The following JMY variants were observed in gnomAD, a reference collection of about 807,000 sequenced individuals.
The protein encoded by JMY is junction-mediating and -regulatory protein.
JMY carries 46 observed loss-of-function variants against 103.3 expected under a neutral mutation model. The observed-to-expected ratio is 0.45, with a 90% CI of 0.35 to 0.57. The LOEUF (loss-of-function observed/expected upper bound fraction) is 0.57. Ranked by LOEUF, JMY falls within the 20% of genes least tolerant of loss-of-function variation. The pLI, the probability that JMY is intolerant of heterozygous loss-of-function variation, is 0.00. For missense variants in JMY, 1,238 were observed against 1,255.2 expected, an observed-to-expected ratio of 0.99 and a Z score of 0.21; for synonymous variants, 526 against 489.3, an observed-to-expected ratio of 1.07 and a Z score of -0.99.
At position 79,323,522 on chromosome 5, in the gene JMY, A is replaced by C. The variant is rs2112131368; in HGVS notation, c.*1920A>C. The C allele has an allele frequency of 6.6e-6, 1 of 152,306 alleles. No homozygotes were observed. The highest frequency in any genetic ancestry group is 2.4e-5 in the African/African-American group (1 of 41,566). The allele number at this position is 152,306 out of a possible 1,614,324, so 9.4% of individuals were successfully genotyped here. A position where few individuals can be genotyped will look rare whatever the true frequency, so the allele number is the denominator to read the frequency against. On this transcript the variant is annotated 3_prime_UTR_variant, in exon 11 of 11. Coordinates refer to ENST00000396137, the MANE Select transcript of JMY (RefSeq NM_152405.5). ...GAATATATTTGAAAAAGTTAAAGCAAATTTGCAAACCTTTACAAAATCATG... is the reference window on the plus strand; with the variant it reads ...GAATATATTTGAAAAAGTTAAAGCACATTTGCAAACCTTTACAAAATCATG...
rs1744572233 is a variant in JMY at position 79,237,783 on chromosome 5, G to T, written c.1032+101G>T. On this transcript the variant is annotated intron_variant, in intron 1 of 10. Coordinates refer to ENST00000396137, the MANE Select transcript of JMY (RefSeq NM_152405.5). ...GGTGTCGGGTGTGCGCAGTAGGACG[G>T]TTGTTTTTCTGGACAAGCGGAAACC... The T allele has an allele frequency of 2.8e-6, 3 of 1,081,406 alleles. No homozygotes were observed. In the South Asian group the frequency reaches 5.0e-5, roughly 18 times the overall value. 67.0% of individuals were successfully genotyped at this position (1,081,406 alleles called of 1,614,324 possible). A position where few individuals can be genotyped will look rare whatever the true frequency, so the allele number is the denominator to read the frequency against.
chr5:79,307,334 A>T (rs989890834), intron 7 of JMY, among the ~76,000 whole-genome samples: 4 of 152,254 alleles, frequency 2.6e-5, no homozygotes, highest in African/African-American at 9.6e-5. Flanking sequence ...ACTGTCTTCC[A>T]TAGTGGCTGT....
At chr5:79,312,784 AT>A (rs1271998359) in intron 8 of JMY, among the ~76,000 whole-genome samples, 1 of 152,200 alleles carries the variant, frequency 6.6e-6, no homozygotes, top group African/African-American at 2.4e-5. Context: ...AGTTTAAAAA[AT>A]TAGTTAAATC....
In JMY at chr5:79,323,406, C is replaced by A. The variant is rs1747526368; in HGVS notation, c.*1804C>A. 1 of 152,204 alleles carries A rather than the reference C, an allele frequency of 6.6e-6. No individual in the cohort carries two copies. The highest frequency in any genetic ancestry group is 1.5e-5 in the Non-Finnish European group (1 of 68,036). 9.4% of individuals were successfully genotyped at this position (152,204 alleles called of 1,614,324 possible). Reference sequence around the variant, plus strand: ...TAGAAATACAGATGTAATATGGAAGCTTCAACAGCATGGGGGTGGTGATAG... The same window carrying A: ...TAGAAATACAGATGTAATATGGAAGATTCAACAGCATGGGGGTGGTGATAG... On this transcript the variant is annotated 3_prime_UTR_variant, in exon 11 of 11. Transcript: ENST00000396137.
At chr5:79,294,196 G>T (rs1216790528) in intron 4 of JMY, among the ~76,000 whole-genome samples, 1 of 152,090 alleles carries the variant, frequency 6.6e-6, no homozygotes, top group Non-Finnish European at 1.5e-5. Context: ...CTGAGGTCAG[G>T]AGTTCAAGAC....
chr5:79,263,636 T>TGGCCTC, intron 1 of JMY, among the ~76,000 whole-genome samples: 1 of 151,294 alleles, frequency 6.6e-6, no homozygotes, highest in Admixed American at 6.6e-5. Context: ...CTCAAGGTGT[T>TGGCCTC]CCAAAGTGCT....
At chr5:79,253,177 C>T (rs1489085630) in intron 1 of JMY, among the ~76,000 whole-genome samples, 1 of 152,138 alleles carries the variant, frequency 6.6e-6, no homozygotes, top group African/African-American at 2.4e-5. Flanking sequence ...AATAAAGACT[C>T]TAATCTTAAC....
At chr5:79,314,166 A>G in intron 8 of JMY, 91 bp from the exon 9 acceptor site, 1 of 1,516,002 alleles carries the variant, frequency 6.6e-7, no homozygotes, top group Non-Finnish European at 8.8e-7. Flanking sequence ...GCCACATAAC[A>G]TCTTTTATTT....
At chr5:79,265,522 G>GT (rs1745559684) in intron 1 of JMY, among the ~76,000 whole-genome samples, 1 of 151,966 alleles carries the variant, frequency 6.6e-6, no homozygotes, top group African/African-American at 2.4e-5. Context: ...CATACTTTGA[G>GT]TAGCAAGGTA....
At chr5:79,272,844 C>T (rs974917202) in intron 1 of JMY, among the ~76,000 whole-genome samples, 1 of 152,104 alleles carries the variant, frequency 6.6e-6, no homozygotes, top group African/African-American at 2.4e-5. Context: ...CCATGTTGGC[C>T]AGGCTGGTCT....
rs1747082161 is a variant in JMY at position 79,312,422 on chromosome 5, A to G, written c.1988A>G (p.Asp663Gly). 1 of 1,579,658 alleles carries G rather than the reference A, an allele frequency of 6.3e-7. No individual in the cohort carries two copies. Among genetic ancestry groups the G allele is most frequent in the Non-Finnish European group, 8.6e-7 (1 of 1,165,308 alleles). Residue 663 changes from aspartate (D) to glycine (G), a missense_variant, in exon 8 of 11, where the codon GAT becomes GGT. By Grantham distance (94) the Asp-to-Gly change is moderately conservative (BLOSUM62 -1). Transcript: ENST00000396137. ...TVQLKREKLHDEEERKSAWVS... is the reference protein window; with the variant it reads ...TVQLKREKLHGEEERKSAWVS... The stretch of plus-strand genomic sequence containing the variant: ...TACCAGAAGAGAGAAAAATTACATG[A>G]TGAAGAAGAAAGAAAAAGTGCCTGG...
intron 10 of JMY, among the ~76,000 whole-genome samples, chr5:79,318,206 G>C (rs182963645): frequency 6.6e-6 from 1 of 151,054 alleles, no homozygotes; most frequent in Non-Finnish European, 1.5e-5. Context: ...GTAGAGATAG[G>C]GTTTCACCAT....
chr5:79,237,226 G>A lies in JMY; in HGVS notation c.576G>A (p.Glu192=), dbSNP rs1348679522. Residue 192 remains glutamate, a synonymous_variant, in exon 1 of 11, where the codon GAG becomes GAA. Transcript: ENST00000396137. ...GCGCCTCTGGGACGGTCTCCGAGGA[G>A]ATAGAGGTGCTGGAAATGGTGAAGG... ...IVSASGTVSE[E]IEVLEMVKED... is the part of the protein sequence containing the mutation. The A allele has an allele frequency of 1.9e-6, 3 of 1,550,658 alleles. No homozygotes were observed. Among genetic ancestry groups the A allele is most frequent in the African/African-American group, 2.7e-5 (2 of 73,184 alleles).
At position 79,300,700 on chromosome 5, in the gene JMY, A is replaced by G. The variant is rs762180475; in HGVS notation, c.1718A>G (p.Tyr573Cys). The G allele has an allele frequency of 9.3e-6, 15 of 1,608,088 alleles. No homozygotes were observed. Among genetic ancestry groups the G allele is most frequent in the Non-Finnish European group, 1.0e-5 (12 of 1,178,560 alleles). ...GAAAAAAGAGATGAAGTGGTATACT[A>G]TGACACTTACGAAAGCATGGAGGCC... ...ISEKRDEVVY[Y>C]DTYESMEAML... Residue 573 changes from tyrosine to cysteine, a missense_variant, in exon 6 of 11, where the codon TAT becomes TGT. Coordinates refer to ENST00000396137, the MANE Select transcript of JMY (RefSeq NM_152405.5).
chr5:79,266,751 G>T (rs1745598308), intron 1 of JMY, among the ~76,000 whole-genome samples: 1 of 152,102 alleles, frequency 6.6e-6, no homozygotes, highest in African/African-American at 2.4e-5. Context: ...TGTTTGAATT[G>T]CTTCTTTTTG....
chr5:79,281,025 ATTTATTTTTATT>A lies in JMY; in HGVS notation c.1206+2956_1206+2967del, dbSNP rs199882477. Among the ~76,000 whole-genome samples, 981 of 151,146 alleles carry A rather than the reference ATTTATTTTTATT, an allele frequency of 6.5e-3. 7 individuals carry two copies. The highest frequency in any genetic ancestry group is 0.022 in the African/African-American group (912 of 41,402). On this transcript the variant is annotated intron_variant, in intron 2 of 10. Coordinates refer to ENST00000396137, the MANE Select transcript of JMY (RefSeq NM_152405.5). The stretch of plus-strand genomic sequence containing the variant: ...ATTAGTAATAGAAAAAAAGAAAATA[ATTTATTTTTATT>A]TTTATTTTTATTTATTTATTTTTTT...
intron 1 of JMY, among the ~76,000 whole-genome samples, chr5:79,258,311 G>GTTTTTTTTTTTTTTTTTTTTTTTTTT (rs1491360478): frequency 1.2e-5 from 1 of 81,812 alleles, no homozygotes; most frequent in African/African-American, 3.2e-5. Flanking sequence ...TTTTGTTTTT[G>GTTTTTTTTTTTTTTTTTTTTTTTTTT]TTGTTTTTTT....
rs1006350963 is a variant in JMY at position 79,325,979 on chromosome 5, A to G, written c.*4377A>G. The stretch of plus-strand genomic sequence containing the variant: ...GTTTTCTACGTTTTGCCCACAGTAA[A>G]TGTACAACTTCGCAATTGTAGGATT... On this transcript the variant is annotated 3_prime_UTR_variant, in exon 11 of 11. Transcript: ENST00000396137. 2 of 152,172 alleles carry G rather than the reference A, an allele frequency of 1.3e-5. No individual in the cohort carries two copies. Among genetic ancestry groups the G allele is most frequent in the Non-Finnish European group, 2.9e-5 (2 of 68,010 alleles). 9.4% of individuals were successfully genotyped at this position (152,172 alleles called of 1,614,324 possible).
At chr5:79,255,833 A>G (rs1745224452) in intron 1 of JMY, among the ~76,000 whole-genome samples, 2 of 152,206 alleles carry the variant, frequency 1.3e-5, no homozygotes, top group South Asian at 4.1e-4. Context: ...GTGGAGGGAC[A>G]CAAGCACTCC....
Sources: allele counts gnomAD v4.1 joint callset (sites outside exome capture counted in the v4.1 genomes callset), GRCh38; gene constraint gnomAD v4.1.1; transcripts MANE v1.5; gene names NCBI Gene and HGNC (gene_info 2026-07-23, HGNC 2026-07-21).